Variants in ROR2 observed in about 807,000 individuals in gnomAD.
The protein encoded by ROR2 is ROR family WNT receptor 2, also known as tyrosine-protein kinase transmembrane receptor ROR2.
A neutral mutation model predicts 74.9 loss-of-function variants in ROR2; 33 were observed. The ratio of observed to expected loss-of-function variants is 0.44; its 90% CI spans 0.33 to 0.59. ROR2 has a LOEUF of 0.59. Ranked by LOEUF, ROR2 falls within the 20% of genes least tolerant of loss-of-function variation. ROR2 has a pLI of 0.02. For synonymous variants in ROR2, 586 were observed against 558.7 expected, an observed-to-expected ratio of 1.05 and a Z score of -0.69; for missense variants, 1,216 against 1,313.8, an observed-to-expected ratio of 0.93 and a Z score of 1.15.
chr9:91,733,573 A>G lies in ROR2; in HGVS notation c.623-137T>C. ...GCCCCGCCCCGCCCCAGACTCCCCA[A>G]CCCCGAGCCCCGCACACCACCCTGG... is the stretch of plus-strand genomic sequence containing the variant. On this transcript the variant is annotated intron_variant, in intron 5 of 8. Coordinates refer to ENST00000375708, the MANE Select transcript of ROR2 (RefSeq NM_004560.4). This position sits in a 1 kb window ranked among gnomAD's most constrained non-coding sequence, Gnocchi z 5.7. 1.1e-6 allele frequency: 1 copy of G among 885,076 alleles called. No homozygotes were observed. The highest frequency in any genetic ancestry group is 1.7e-5 in the South Asian group (1 of 60,572). The allele number at this position is 885,076 out of a possible 1,614,324, so 54.8% of individuals were successfully genotyped here. A position where few individuals can be genotyped will look rare whatever the true frequency, so the allele number is the denominator to read the frequency against.
intron 1 of ROR2, among the ~76,000 whole-genome samples, chr9:91,848,765 A>G (rs981339803): frequency 3.5e-4 from 14 of 40,398 alleles, no homozygotes; most frequent in Admixed American, 1.2e-3. Flanking sequence ...AGGGGGGAAG[A>G]AAAAAAAAAA....
intron 1 of ROR2, among the ~76,000 whole-genome samples, chr9:91,780,224 A>G (rs1826564652): frequency 1.3e-5 from 2 of 152,150 alleles, no homozygotes; most frequent in South Asian, 4.1e-4. Flanking sequence ...AAAAATACAA[A>G]AAATTAGCCG....
intron 1 of ROR2, among the ~76,000 whole-genome samples, chr9:91,798,936 C>A (rs1401767465): frequency 6.6e-6 from 1 of 152,100 alleles, no homozygotes; most frequent in African/African-American, 2.4e-5. Flanking sequence ...ACCCTGTGCA[C>A]CTGCAAGTGC....
intron 2 of ROR2, among the ~76,000 whole-genome samples, chr9:91,769,332 C>T (rs1174774041): frequency 1.3e-5 from 2 of 152,184 alleles, no homozygotes. Context: ...CCGACACCCG[C>T]AGGGCTGAGA....
At chr9:91,836,733 C>A (rs1281067106) in intron 1 of ROR2, among the ~76,000 whole-genome samples, 2 of 152,232 alleles carry the variant, frequency 1.3e-5, no homozygotes, top group African/African-American at 4.8e-5. Flanking sequence ...CAGGATCCTG[C>A]ATTGGGGCGA....
intron 1 of ROR2, among the ~76,000 whole-genome samples, chr9:91,941,417 T>A (rs924212561): frequency 6.6e-6 from 1 of 152,238 alleles, no homozygotes; most frequent in Admixed American, 6.5e-5. Context: ...ATGGGCTTTA[T>A]CATGGTCTGA....
chr9:91,850,687 G>A (rs1829063610), intron 1 of ROR2, among the ~76,000 whole-genome samples: 1 of 152,202 alleles, frequency 6.6e-6, no homozygotes, highest in South Asian at 2.1e-4. Flanking sequence ...GCAACTAAGT[G>A]TGTATTGGTC....
At chr9:91,787,234 G>A (rs1826833896) in intron 1 of ROR2, among the ~76,000 whole-genome samples, 1 of 152,208 alleles carries the variant, frequency 6.6e-6, no homozygotes, top group African/African-American at 2.4e-5. Flanking sequence ...AAAGAGGCTG[G>A]GTGTGGTGGC....
intron 1 of ROR2, among the ~76,000 whole-genome samples, chr9:91,831,895 A>C (rs1304789921): frequency 6.6e-6 from 1 of 152,162 alleles, no homozygotes; most frequent in Non-Finnish European, 1.5e-5. Flanking sequence ...CTTCCCTGTA[A>C]AAAGATGCTG....
intron 1 of ROR2, among the ~76,000 whole-genome samples, chr9:91,866,060 A>G (rs1829622843): frequency 6.6e-6 from 1 of 152,192 alleles, no homozygotes; most frequent in African/African-American, 2.4e-5. Context: ...AAGAAGAAAT[A>G]GTGATATTCT....
At chr9:91,773,462 A>G (rs1476894436) in intron 2 of ROR2, among the ~76,000 whole-genome samples, 1 of 152,338 alleles carries the variant, frequency 6.6e-6, no homozygotes, top group Admixed American at 6.5e-5. Flanking sequence ...TCCAGGACCT[A>G]AAGTGCTGTG....
At chr9:91,928,446 G>C in intron 1 of ROR2, among the ~76,000 whole-genome samples, 1 of 152,226 alleles carries the variant, frequency 6.6e-6, no homozygotes, top group Non-Finnish European at 1.5e-5. Flanking sequence ...GTGTGGGACT[G>C]TGCCCTGGTG....
At chr9:91,801,773 T>G (rs1244788883) in intron 1 of ROR2, among the ~76,000 whole-genome samples, 1 of 152,026 alleles carries the variant, frequency 6.6e-6, no homozygotes, top group Non-Finnish European at 1.5e-5. Flanking sequence ...CGCTAAGGAG[T>G]CAAAGGATTT....
chr9:91,804,538 G>T (rs1468819143), intron 1 of ROR2, among the ~76,000 whole-genome samples: 1 of 152,196 alleles, frequency 6.6e-6, no homozygotes, highest in Non-Finnish European at 1.5e-5. Context: ...CCTGAGGAGA[G>T]AGAAAGGCGG....
intron 1 of ROR2, among the ~76,000 whole-genome samples, chr9:91,863,389 T>C (rs1168781807): frequency 6.6e-6 from 1 of 151,964 alleles, no homozygotes; most frequent in African/African-American, 2.4e-5. Flanking sequence ...AACATAAAAA[T>C]GTAGATAGGA....
chr9:91,879,648 T>C (rs1043135857), intron 1 of ROR2, among the ~76,000 whole-genome samples: 2 of 152,144 alleles, frequency 1.3e-5, no homozygotes, highest in African/African-American at 4.8e-5. Context: ...AGCTGGGCCT[T>C]GGAAGAGCCC....
chr9:91,769,899 G>A (rs1392332698), intron 2 of ROR2, among the ~76,000 whole-genome samples: 1 of 152,156 alleles, frequency 6.6e-6, no homozygotes, highest in Non-Finnish European at 1.5e-5. Context: ...GACTCTGAGC[G>A]CCCAGCATGC....
intron 1 of ROR2, among the ~76,000 whole-genome samples, chr9:91,910,028 AT>A (rs1830934751): frequency 6.6e-6 from 1 of 150,960 alleles, no homozygotes; most frequent in Non-Finnish European, 1.5e-5. Context: ...CACTGAGCTA[AT>A]TTTTGTATTT....
chr9:91,795,603 C>A (rs771043892), intron 1 of ROR2, among the ~76,000 whole-genome samples: 2 of 152,168 alleles, frequency 1.3e-5, no homozygotes, highest in Non-Finnish European at 2.9e-5. Flanking sequence ...TTTTTCAATA[C>A]ATTGTTTTCC....
Sources: allele counts gnomAD v4.1 joint callset (sites outside exome capture counted in the v4.1 genomes callset), GRCh38; gene constraint gnomAD v4.1.1; non-coding constraint Gnocchi (gnomAD v3.1); transcripts MANE v1.5; gene names NCBI Gene and HGNC (gene_info 2026-07-23, HGNC 2026-07-21).